The following NOC2L variants were observed in gnomAD, a reference collection of about 807,000 sequenced individuals.
NOC2L encodes the protein nucleolar complex protein 2 homolog.
NOC2L carries 101 observed loss-of-function variants against 94.2 expected under a neutral mutation model. The observed-to-expected ratio is 1.07, with a 90% CI of 0.91 to 1.26. NOC2L has a LOEUF of 1.26. Among genes scored for constraint, NOC2L ranks in the 50% most tolerant of loss-of-function variants. NOC2L has a pLI of 0.00. For synonymous variants in NOC2L, 531 were observed against 413.4 expected (o/e 1.28, Z -3.45); for missense variants, 1,076 against 980.1 (o/e 1.10, Z -1.31).
chr1:950,143 TGCACAC>T (rs1448170441), intron 12 of NOC2L, among the ~76,000 whole-genome samples: 1 of 151,760 alleles, frequency 6.6e-6, no homozygotes, highest in Non-Finnish European at 1.5e-5. Context: ...TGCACACAGG[TGCACAC>T]ACGCACAGGC....
At chr1:957,801 C>T (rs1642454031) in intron 2 of NOC2L, 1 of 159,728 alleles carries the variant, frequency 6.3e-6, no homozygotes, top group Non-Finnish European at 1.4e-5. Context: ...CCAGAAGTAA[C>T]TCCCTGTTTT....
intron 8 of NOC2L, among the ~76,000 whole-genome samples, 196 bp downstream of exon 8, chr1:953,586 C>T (rs1054656556): frequency 6.6e-6 from 1 of 152,226 alleles, no homozygotes; most frequent in African/African-American, 2.4e-5. Context: ...CCGCGCTGCC[C>T]GGGCAGGCAG....
At chr1:950,564 G>A (rs539975231) in intron 12 of NOC2L, among the ~76,000 whole-genome samples, 2 of 152,016 alleles carry the variant, frequency 1.3e-5, no homozygotes, top group African/African-American at 4.8e-5. Flanking sequence ...CATACACACA[G>A]GTGTACACAC....
intron 2 of NOC2L, chr1:958,589 T>A: frequency 2.0e-6 from 1 of 503,126 alleles, no homozygotes. Flanking sequence ...CCCCTGCAAC[T>A]CTCTCTTCAG....
intron 2 of NOC2L, chr1:958,551 C>T: frequency 2.3e-6 from 1 of 427,142 alleles, no homozygotes; most frequent in Admixed American, 2.6e-5. Context: ...AGCACAGCCT[C>T]CGCTCCTTCT....
rs550652895 is a variant in NOC2L at position 944,729 on chromosome 1, C to T, written c.2215G>A (p.Glu739Lys). The T allele has an allele frequency of 1.0e-5, 16 of 1,600,566 alleles. No individual in the cohort carries two copies. The highest frequency in any genetic ancestry group is 2.7e-5 in the African/African-American group (2 of 74,844). Reference protein sequence around the residue: ...LQQLAQGPEDELEDLQLSEDD With the variant: ...LQQLAQGPEDKLEDLQLSEDD ...TCTGAGAGCTGCAGATCCTCCAGCT[C>T]GTCCTCCGGCCCCTGGGCCAGCTGC... The change falls in exon 19 of 19, where the codon GAG becomes AAG. Residue 739 changes from glutamate (E) to lysine (K), a missense_variant. Coordinates refer to ENST00000327044, the MANE Select transcript of NOC2L (RefSeq NM_015658.4).
At position 959,099 on chromosome 1, in the gene NOC2L, G is replaced by A. The variant is rs1463079835; in HGVS notation, c.27-18C>T. On this transcript the variant is annotated intron_variant, in intron 1 of 18. Transcript: ENST00000327044. ...CCAGGCGCCTGCGGGTCACGCAGGA[G>A]TCACAGCTGCCCGCACGCCCAGCTC... 2.7e-5 allele frequency: 43 copies of A among 1,610,164 alleles called. No homozygotes were observed. Among genetic ancestry groups the A allele is most frequent in the Non-Finnish European group, 3.3e-5 (39 of 1,178,136 alleles).
chr1:959,009 T>G lies in NOC2L; in HGVS notation c.99A>C (p.Glu33Asp). 2 of 1,612,508 alleles carry G rather than the reference T, an allele frequency of 1.2e-6. No homozygotes were observed. The highest frequency in any genetic ancestry group is 1.7e-6 in the Non-Finnish European group (2 of 1,179,798). Reference protein sequence around the residue: ...GFDSESESESENSPQAETREA... With the variant: ...GFDSESESESDNSPQAETREA... ...CCCGTGTCTCCGCTTGTGGAGAATT[T>G]TCGGACTCGGATTCGGACTCGGAGT... is the stretch of plus-strand genomic sequence containing the variant. The change falls in exon 2 of 19, where the codon GAA (glutamate) becomes GAC (aspartate). Residue 33 changes from glutamate to aspartate, a missense_variant. Around this residue, in one of 3 missense-constraint regions of NOC2L, gnomAD observed 457 missense variants for 386.0 expected, o/e 1.18. Coordinates refer to ENST00000327044, the MANE Select transcript of NOC2L (RefSeq NM_015658.4).
rs763701868 is a variant in NOC2L, at chr1:944,817, A to G, written c.2144-17T>C. ...GGTCTCCATCTGCGGGGAGAGATGG[A>G]GGCTACATAAATTTTGCTTTATCAG... On this transcript the variant is annotated splice_polypyrimidine_tract_variant and intron_variant, in intron 18 of 18. Coordinates refer to ENST00000327044, the MANE Select transcript of NOC2L (RefSeq NM_015658.4). The G allele has an allele frequency of 1.8e-5, 27 of 1,516,694 alleles. No individual in the cohort carries two copies. Among genetic ancestry groups the G allele is most frequent in the Non-Finnish European group, 2.4e-5 (27 of 1,117,772 alleles). 94.0% of individuals were successfully genotyped at this position (1,516,694 alleles called of 1,614,324 possible). A position where few individuals can be genotyped will look rare whatever the true frequency, so the allele number is the denominator to read the frequency against.
At chr1:959,108 G>C (rs113687371) in intron 1 of NOC2L, 27 bp from the exon 2 acceptor site, 1 of 1,610,070 alleles carries the variant, frequency 6.2e-7, no homozygotes, top group Non-Finnish European at 8.5e-7. Flanking sequence ...AGTCACAGCT[G>C]CCCGCACGCC....
intron 8 of NOC2L, 99 bp downstream of exon 8, chr1:953,683 G>A (rs1474494041): frequency 4.5e-6 from 4 of 893,590 alleles, no homozygotes; most frequent in East Asian, 5.1e-5. Flanking sequence ...GTGGAGTGTG[G>A]GCACCACCTG....
chr1:948,918 A>G (rs1642185493), intron 12 of NOC2L, among the ~76,000 whole-genome samples: 1 of 152,142 alleles, frequency 6.6e-6, no homozygotes, highest in African/African-American at 2.4e-5. Flanking sequence ...GGAGACCTAG[A>G]GGTCCCTGCC....
Position 945,500 on chromosome 1 carries a change from G to A in NOC2L, c.2053+18C>T, listed in dbSNP as rs202201411. 1 of 1,612,818 alleles carries A rather than the reference G, an allele frequency of 6.2e-7. No homozygotes were observed. On this transcript the variant is annotated intron_variant, in intron 17 of 18. Transcript: ENST00000327044. ...CTCCAGGCCCACCCTTCCCCTGGGAGCACCACGCAGGCCCCACCTCTCTCC... is the reference window on the plus strand; with the variant it reads ...CTCCAGGCCCACCCTTCCCCTGGGAACACCACGCAGGCCCCACCTCTCTCC...
chr1:957,740 G>A (rs1193952186), intron 2 of NOC2L: 1 of 165,362 alleles, frequency 6.0e-6, no homozygotes, highest in African/African-American at 2.4e-5. Context: ...TTAACCTAAA[G>A]GTCTCTCTGT....
rs1239128345 is a variant in NOC2L, at chr1:944,543, C to G, written c.*151G>C. On this transcript the variant is annotated 3_prime_UTR_variant, in exon 19 of 19. Coordinates refer to ENST00000327044, the MANE Select transcript of NOC2L (RefSeq NM_015658.4). ...CAGCCCAGCTCTCGATACGTTTGGT[C>G]TTTCATGCTGAAAAATAAATAATAA... is the stretch of plus-strand genomic sequence containing the variant. The G allele has an allele frequency of 1.6e-6, 1 of 629,358 alleles. No homozygotes were observed. The highest frequency in any genetic ancestry group is 2.7e-6 in the Non-Finnish European group (1 of 371,692). 39.0% of individuals were successfully genotyped at this position (629,358 alleles called of 1,614,324 possible).
Position 957,259 on chromosome 1 carries a change from C to T in NOC2L, c.194G>A (p.Arg65His), listed in dbSNP as rs1216437327. The change falls in exon 3 of 19, where the codon CGT becomes CAT. Residue 65 changes from arginine to histidine, a missense_variant. By Grantham distance (29) the Arg-to-His change is conservative. This residue lies in a region of NOC2L where 457 missense variants were observed against 386.0 expected (regional missense o/e 1.18). Transcript: ENST00000327044. Reference sequence around the variant, plus strand: ...GAGCTGGTCTTTGTGCTCAGAGGCACGGCCTTTACGCCGGCTGAGGAGGCA... The same window carrying T: ...GAGCTGGTCTTTGTGCTCAGAGGCATGGCCTTTACGCCGGCTGAGGAGGCA... ...GSPSASRRKG[R>H]ASEHKDQLSR... is the part of the protein sequence containing the mutation. The T allele has an allele frequency of 9.9e-6, 16 of 1,613,598 alleles. No homozygotes were observed. The highest frequency in any genetic ancestry group is 3.3e-5 in the Admixed American group (2 of 59,996).
intron 12 of NOC2L, among the ~76,000 whole-genome samples, chr1:949,537 C>T (rs1457110639): frequency 1.1e-4 from 16 of 152,150 alleles, no homozygotes; most frequent in Non-Finnish European, 1.9e-4. Flanking sequence ...TTGCTTTTTC[C>T]GGAGAGGAGA....
In NOC2L at chr1:944,367, G is replaced by A. The variant is rs1642019578; in HGVS notation, c.*327C>T. The A allele has an allele frequency of 3.7e-6, 5 of 1,359,876 alleles. No homozygotes were observed. Among genetic ancestry groups the A allele is most frequent in the South Asian group, 1.9e-5 (1 of 51,304 alleles). The allele number at this position is 1,359,876 out of a possible 1,614,324, so 84.2% of individuals were successfully genotyped here. A position where few individuals can be genotyped will look rare whatever the true frequency, so the allele number is the denominator to read the frequency against. On this transcript the variant is annotated 3_prime_UTR_variant, in exon 19 of 19. Coordinates refer to ENST00000327044, the MANE Select transcript of NOC2L (RefSeq NM_015658.4). ...CAGATGGACGAGGTCTGCAGACGGA[G>A]GGCAGAGGTGGTGGAAGGGGCCAGG...
At chr1:952,173 G>T (rs1407178268) in intron 10 of NOC2L, 34 bp from the exon 11 acceptor site, 3 of 1,612,084 alleles carry the variant, frequency 1.9e-6, no homozygotes, top group Admixed American at 3.3e-5. Context: ...CTACTGGCCA[G>T]GCTGACAAGT....
Sources: gnomAD v4.1 joint callset for allele counts (sites outside exome capture counted in the v4.1 genomes callset) on GRCh38, gnomAD v4.1.1 for gene constraint, gnomAD v4.1.1 regional missense constraint, MANE v1.5 for transcripts, NCBI Gene and HGNC (gene_info 2026-07-23, HGNC 2026-07-21) for gene names.